COL26A1: variants seen among roughly 807,000 people sequenced by gnomAD.
COL26A1 encodes the protein collagen type XXVI alpha 1 chain.
COL26A1 carries 41 observed loss-of-function variants against 59.3 expected under a neutral mutation model. That is an observed-to-expected ratio of 0.69 (90% CI 0.54 to 0.90). The LOEUF is 0.90. COL26A1 is among the 40% of genes least tolerant of loss of function. COL26A1 has a pLI of 0.00. For missense variants in COL26A1, 612 were observed against 602.3 expected (o/e 1.02, Z -0.17); for synonymous variants, 266 against 256.0 (o/e 1.04, Z -0.37).
intron 3 of COL26A1, among the ~76,000 whole-genome samples, chr7:101,488,348 TAATA>T (rs1794311885): frequency 2.1e-5 from 1 of 46,636 alleles, no homozygotes; most frequent in African/African-American, 9.8e-5. Flanking sequence ...TAATTTTATT[TAATA>T]TATATATATA....
At chr7:101,466,837 T>TGTGTGTGTGTGAGAGA (rs764059657) in intron 3 of COL26A1, among the ~76,000 whole-genome samples, 33 of 122,708 alleles carry the variant, frequency 2.7e-4, no homozygotes, top group Non-Finnish European at 3.8e-4. Flanking sequence ...TGTGTGTGTG[T>TGTGTGTGTGTGAGAGA]GAGAGAGAGA....
At chr7:101,508,224 C>T (rs1794852032) in intron 3 of COL26A1, among the ~76,000 whole-genome samples, 1 of 152,116 alleles carries the variant, frequency 6.6e-6, no homozygotes, top group South Asian at 2.1e-4. Context: ...GTAACTGTTA[C>T]AAAATTCCTT....
chr7:101,491,261 G>T (rs967959642), intron 3 of COL26A1, among the ~76,000 whole-genome samples: 1 of 152,008 alleles, frequency 6.6e-6, no homozygotes, highest in African/African-American at 2.4e-5. Flanking sequence ...CAGGGGTGTC[G>T]TATTGGTGGC....
At position 101,363,015 on chromosome 7, in the gene COL26A1, C is replaced by T. The variant is rs377048229; in HGVS notation, c.-18C>T. ...CCTCGTGCCCGGGACTCCGGGTCCC[C>T]GCGGGCTGCTGCGCACGATGAAGCT... On this transcript the variant is annotated 5_prime_UTR_variant, in exon 1 of 13. Coordinates refer to ENST00000313669, the MANE Select transcript of COL26A1 (RefSeq NM_001278563.3). 6 of 1,565,734 alleles carry T rather than the reference C, an allele frequency of 3.8e-6. No individual in the cohort carries two copies. Among genetic ancestry groups the T allele is most frequent in the Non-Finnish European group, 3.4e-6 (4 of 1,165,918 alleles).
chr7:101,480,680 T>C (rs1217875215), intron 3 of COL26A1, among the ~76,000 whole-genome samples: 1 of 152,080 alleles, frequency 6.6e-6, no homozygotes, highest in Non-Finnish European at 1.5e-5. Flanking sequence ...GGGGGGTATT[T>C]TTTGTAAAGA....
At chr7:101,495,719 A>C (rs1794571342) in intron 3 of COL26A1, among the ~76,000 whole-genome samples, 1 of 143,164 alleles carries the variant, frequency 7.0e-6, no homozygotes, top group Non-Finnish European at 1.5e-5. Flanking sequence ...GCGCCCGGCC[A>C]GCGTAGGGTA....
intron 1 of COL26A1, among the ~76,000 whole-genome samples, chr7:101,399,198 CAGG>C (rs1791933673): frequency 6.6e-6 from 1 of 151,496 alleles, no homozygotes; most frequent in South Asian, 2.1e-4. Flanking sequence ...CTCAGCTGCT[CAGG>C]AGGCTGAGGC....
At chr7:101,481,325 A>T (rs1300909449) in intron 3 of COL26A1, among the ~76,000 whole-genome samples, 1 of 151,902 alleles carries the variant, frequency 6.6e-6, no homozygotes, top group Admixed American at 6.6e-5. Context: ...GATTTCATAT[A>T]GCAGCTTCTG....
chr7:101,517,795 C>T (rs149543593), intron 3 of COL26A1, among the ~76,000 whole-genome samples: 18,606 of 142,206 alleles, frequency 0.13, 1,351 homozygotes, highest in Middle Eastern at 0.18. Flanking sequence ...CCCTTCTCCC[C>T]GCATTTTTTT....
At chr7:101,410,908 G>C (rs573757084) in intron 1 of COL26A1, among the ~76,000 whole-genome samples, 1 of 152,044 alleles carries the variant, frequency 6.6e-6, no homozygotes, top group East Asian at 1.9e-4. Context: ...GTCTTGCTAC[G>C]TTGCCCAGGC....
At chr7:101,491,162 C>T (rs115242140) in intron 3 of COL26A1, among the ~76,000 whole-genome samples, 2,452 of 152,068 alleles carry the variant, frequency 0.016, 61 homozygotes, top group African/African-American at 0.056. Flanking sequence ...GTGCATGCTC[C>T]CCCCTGCACG....
At chr7:101,498,184 C>G (rs1180780026) in intron 3 of COL26A1, among the ~76,000 whole-genome samples, 1 of 152,210 alleles carries the variant, frequency 6.6e-6, no homozygotes, top group East Asian at 1.9e-4. Flanking sequence ...CCGGATTTCT[C>G]AGCAGGTCGG....
At chr7:101,487,344 T>C (rs1314778143) in intron 3 of COL26A1, among the ~76,000 whole-genome samples, 1 of 152,094 alleles carries the variant, frequency 6.6e-6, no homozygotes, top group Non-Finnish European at 1.5e-5. Context: ...GGAGAGTCAC[T>C]GTCTCTTGCT....
At chr7:101,385,557 G>C (rs1360189889) in intron 1 of COL26A1, among the ~76,000 whole-genome samples, 1 of 151,810 alleles carries the variant, frequency 6.6e-6, no homozygotes, top group African/African-American at 2.4e-5. Flanking sequence ...TTTTAGTAGA[G>C]ATGGGGTTTC....
chr7:101,553,478 C>A, intron 11 of COL26A1, 102 bp downstream of exon 11: 1 of 1,189,634 alleles, frequency 8.4e-7, no homozygotes, highest in Non-Finnish European at 1.2e-6. Context: ...GTCAGCCAGC[C>A]CCGAGCTGGG....
chr7:101,391,189 G>C (rs867262754), intron 1 of COL26A1, among the ~76,000 whole-genome samples: 1 of 152,342 alleles, frequency 6.6e-6, no homozygotes, highest in African/African-American at 2.4e-5. Flanking sequence ...CCGGTTCTGG[G>C]GGCAAGGCAG....
rs374237766 is a variant in COL26A1, at chr7:101,557,456, G to A, written c.1252G>A (p.Asp418Asn). The A allele has an allele frequency of 3.4e-5, 55 of 1,613,622 alleles. No homozygotes were observed. In the Middle Eastern group the frequency reaches 4.9e-4, roughly 14 times the overall value. Residue 418 changes from aspartate (D) to asparagine (N), a missense_variant, in exon 13 of 13, where the codon GAT (aspartate) becomes AAT (asparagine). Physicochemically the swap from Asp to Asn is conservative, Grantham distance 23. Coordinates refer to ENST00000313669, the MANE Select transcript of COL26A1 (RefSeq NM_001278563.3). ...LKMKRGGAQP[D>N]GVLAALLGPD... ...GATGAAGAGGGGTGGCGCCCAACCC[G>A]ATGGGGTCCTTGCTGCCCTGCTTGG...
At chr7:101,444,409 C>G (rs535915302) in intron 2 of COL26A1, among the ~76,000 whole-genome samples, 2 of 139,108 alleles carry the variant, frequency 1.4e-5, no homozygotes, top group East Asian at 4.2e-4. Context: ...TTCCTTCCTT[C>G]CTTTCTTCTT....
chr7:101,375,655 C>T (rs1791297481), intron 1 of COL26A1, among the ~76,000 whole-genome samples: 1 of 150,726 alleles, frequency 6.6e-6, no homozygotes, highest in Non-Finnish European at 1.5e-5. Context: ...GCCTGGGCAA[C>T]ATAGCAAGAC....
Sources: gnomAD v4.1 joint callset for allele counts (sites outside exome capture counted in the v4.1 genomes callset) on GRCh38, gnomAD v4.1.1 for gene constraint, MANE v1.5 for transcripts, NCBI Gene and HGNC (gene_info 2026-07-23, HGNC 2026-07-21) for gene names.